MAD1L1: variants seen among roughly 807,000 people sequenced by gnomAD.
MAD1L1 encodes the protein mitotic spindle assembly checkpoint protein MAD1.
MAD1L1 carries 95 observed loss-of-function variants against 96.9 expected under a neutral mutation model. That is an observed-to-expected ratio of 0.98 (90% confidence interval 0.83 to 1.16). The LOEUF (loss-of-function observed/expected upper bound fraction) is 1.16. Among genes scored for constraint, MAD1L1 ranks in the 50% most tolerant of loss-of-function variants. MAD1L1 has a pLI of 0.00. For missense variants in MAD1L1, 1,007 were observed against 954.4 expected (o/e 1.06, Z -0.73); for synonymous variants, 473 against 396.6 (o/e 1.19, Z -2.29).
At chr7:2,151,958 T>G (rs1304261906) in intron 10 of MAD1L1, among the ~76,000 whole-genome samples, 1 of 152,184 alleles carries the variant, frequency 6.6e-6, no homozygotes, top group African/African-American at 2.4e-5. Context: ...GGCATCCATC[T>G]CCATCACCCA....
chr7:1,832,645 G>C (rs1390797729), intron 18 of MAD1L1, among the ~76,000 whole-genome samples: 1 of 58,762 alleles, frequency 1.7e-5, no homozygotes, highest in Non-Finnish European at 3.8e-5. Flanking sequence ...GGGGGGGGGG[G>C]GGTGGGGATG....
intron 18 of MAD1L1, among the ~76,000 whole-genome samples, chr7:1,830,345 C>A (rs966669102): frequency 2.0e-5 from 3 of 152,042 alleles, no homozygotes; most frequent in African/African-American, 7.2e-5. Flanking sequence ...TGCAGTGAGC[C>A]GAGATCGTGC....
intron 18 of MAD1L1, among the ~76,000 whole-genome samples, chr7:1,859,486 C>T (rs543142334): frequency 1.3e-5 from 2 of 152,328 alleles, no homozygotes; most frequent in Non-Finnish European, 2.9e-5. Context: ...CAGGTGGCTG[C>T]GAGGCGGAGC....
At chr7:2,225,804 G>A (rs894773270) in intron 3 of MAD1L1, among the ~76,000 whole-genome samples, 1 of 152,224 alleles carries the variant, frequency 6.6e-6, no homozygotes, top group Non-Finnish European at 1.5e-5. Context: ...CAACGGCCTC[G>A]AATGCCACCC....
chr7:1,907,671 G>A (rs1272901160), intron 17 of MAD1L1, among the ~76,000 whole-genome samples: 3 of 152,254 alleles, frequency 2.0e-5, no homozygotes, highest in East Asian at 1.9e-4. Flanking sequence ...GGGTGTGGCA[G>A]GAGTGGGGGA....
chr7:2,192,811 T>G (rs1306848082), intron 10 of MAD1L1, among the ~76,000 whole-genome samples: 3 of 152,196 alleles, frequency 2.0e-5, no homozygotes, highest in African/African-American at 7.2e-5. Context: ...CAAATCCATC[T>G]GTAATTAGGT....
At chr7:2,064,991 G>T (rs549655115) in intron 12 of MAD1L1, among the ~76,000 whole-genome samples, 2 of 152,262 alleles carry the variant, frequency 1.3e-5, no homozygotes, top group Admixed American at 1.3e-4. Context: ...GCTTCTTCCA[G>T]GAGGACAGTG....
chr7:1,914,041 C>T (rs1391922936), intron 17 of MAD1L1, among the ~76,000 whole-genome samples: 3 of 152,140 alleles, frequency 2.0e-5, no homozygotes, highest in Admixed American at 6.5e-5. Context: ...CACGCCTGTC[C>T]ACCTCTCCTC....
intron 7 of MAD1L1, among the ~76,000 whole-genome samples, chr7:2,217,298 C>T (rs1188414779): frequency 6.6e-6 from 1 of 152,214 alleles, no homozygotes; most frequent in Admixed American, 6.5e-5. Flanking sequence ...TCAACAAACA[C>T]TAACAGAGTC....
At chr7:1,819,516 G>A (rs866161749) in intron 18 of MAD1L1, among the ~76,000 whole-genome samples, 2 of 152,204 alleles carry the variant, frequency 1.3e-5, no homozygotes, top group African/African-American at 2.4e-5. Context: ...CTGGAGGGCC[G>A]GGGACCTCTG....
intron 10 of MAD1L1, among the ~76,000 whole-genome samples, chr7:2,201,433 G>A (rs1792292448): frequency 6.6e-6 from 1 of 152,140 alleles, no homozygotes; most frequent in Non-Finnish European, 1.5e-5. Flanking sequence ...CCACAAGGAG[G>A]GGACAGCACG....
chr7:1,927,378 T>C (rs1789150014), intron 17 of MAD1L1, among the ~76,000 whole-genome samples: 1 of 152,202 alleles, frequency 6.6e-6, no homozygotes, highest in Non-Finnish European at 1.5e-5. Flanking sequence ...AAAGACAAGC[T>C]GAATGTAAAT....
intron 11 of MAD1L1, among the ~76,000 whole-genome samples, chr7:2,083,419 T>A (rs1043556961): frequency 2.6e-5 from 4 of 152,228 alleles, no homozygotes; most frequent in African/African-American, 9.6e-5. Context: ...AAGGCAGGGT[T>A]AGTGCTTGTT....
intron 12 of MAD1L1, among the ~76,000 whole-genome samples, chr7:2,044,181 C>T (rs1440457074): frequency 6.6e-6 from 1 of 152,246 alleles, no homozygotes; most frequent in South Asian, 2.1e-4. Flanking sequence ...GCAGCTACTA[C>T]AGGTCCTGAT....
rs1789452132 is a variant in MAD1L1, at chr7:2,149,193, C to T, written c.1032G>A (p.Arg344=). 1 of 1,614,136 alleles carries T rather than the reference C, an allele frequency of 6.2e-7. No homozygotes were observed. The highest frequency in any genetic ancestry group is 1.7e-4 in the Middle Eastern group (1 of 6,060). The change falls in exon 11 of 19, where the codon AGG becomes AGA. Residue 344 remains arginine (R), a synonymous_variant. Coordinates refer to ENST00000265854, the MANE Select transcript of MAD1L1 (RefSeq NM_001013836.2). ...LSRFVVELQQ[R]ELALKDKNSA... is the part of the protein sequence containing the mutation. ...TGTTCTTGTCCTTCAAGGCAAGCTC[C>T]CTCTGCTGCAGCTCAACCACGAATC...
intron 11 of MAD1L1, among the ~76,000 whole-genome samples, chr7:2,101,179 T>C (rs545340317): frequency 1.3e-5 from 2 of 152,344 alleles, no homozygotes; most frequent in East Asian, 1.9e-4. Context: ...TAGTTTCCAC[T>C]GTGGGAACAT....
intron 10 of MAD1L1, among the ~76,000 whole-genome samples, chr7:2,171,552 A>C (rs1163066736): frequency 7.3e-6 from 1 of 136,660 alleles, no homozygotes; most frequent in Non-Finnish European, 1.5e-5. Flanking sequence ...AGGACAGCAG[A>C]GAAGGACAGC....
chr7:2,140,648 A>G (rs1485517733), intron 11 of MAD1L1, among the ~76,000 whole-genome samples: 1 of 152,218 alleles, frequency 6.6e-6, no homozygotes, highest in African/African-American at 2.4e-5. Flanking sequence ...GGCCCCCGCC[A>G]GGAGAAACCC....
At chr7:2,083,962 G>A (rs984669806) in intron 11 of MAD1L1, among the ~76,000 whole-genome samples, 1 of 152,198 alleles carries the variant, frequency 6.6e-6, no homozygotes, top group Non-Finnish European at 1.5e-5. Context: ...CTGGGGAAGC[G>A]GGCGCAGACT....
Sources: allele counts gnomAD v4.1 joint callset (sites outside exome capture counted in the v4.1 genomes callset), GRCh38; gene constraint gnomAD v4.1.1; transcripts MANE v1.5; gene names NCBI Gene and HGNC (gene_info 2026-07-23, HGNC 2026-07-21).